Variants in NTN1 observed in about 807,000 individuals in gnomAD.
NTN1 encodes the protein netrin-1.
In NTN1, 11 loss-of-function variants were observed where a neutral mutation model predicts 54.2. The ratio of observed to expected loss-of-function variants is 0.20; its 90% CI spans 0.13 to 0.34. The LOEUF is 0.34. Among genes scored for constraint, NTN1 ranks in the 10% least tolerant of loss-of-function variants. NTN1 has a pLI of 1.00. For synonymous variants in NTN1, 371 were observed against 382.0 expected, an observed-to-expected ratio of 0.97 and a Z score of 0.33; for missense variants, 740 against 893.1, an observed-to-expected ratio of 0.83 and a Z score of 2.18.
intron 2 of NTN1, among the ~76,000 whole-genome samples, chr17:9,134,006 G>A (rs1428161588): frequency 6.9e-6 from 1 of 145,506 alleles, no homozygotes; most frequent in African/African-American, 2.6e-5. Flanking sequence ...CCGAGTTCAA[G>A]CAATTCTCCT....
chr17:9,234,267 G>A (rs551845455), intron 6 of NTN1, among the ~76,000 whole-genome samples: 14 of 152,224 alleles, frequency 9.2e-5, no homozygotes, highest in Non-Finnish European at 1.6e-4. Context: ...GTGAACCCCA[G>A]AATTGCTGAG....
intron 6 of NTN1, among the ~76,000 whole-genome samples, chr17:9,238,822 G>T (rs1235833533): frequency 1.3e-5 from 2 of 152,164 alleles, no homozygotes; most frequent in Non-Finnish European, 2.9e-5. Context: ...AATGACATCG[G>T]CACCACTTGT....
chr17:9,107,775 A>G (rs1309013118), intron 2 of NTN1, among the ~76,000 whole-genome samples: 2 of 152,244 alleles, frequency 1.3e-5, no homozygotes, highest in Admixed American at 1.3e-4. Context: ...TCGCACTGCA[A>G]TGTCGGTGTT....
At chr17:9,096,554 G>A (rs957766846) in intron 2 of NTN1, among the ~76,000 whole-genome samples, 1 of 151,802 alleles carries the variant, frequency 6.6e-6, no homozygotes, top group Non-Finnish European at 1.5e-5. Context: ...TGTATTTTTA[G>A]TAGAGACGGG....
At chr17:9,021,781 A>G (rs941026693) in intron 1 of NTN1, among the ~76,000 whole-genome samples, 196 bp downstream of exon 1, 1 of 151,692 alleles carries the variant, frequency 6.6e-6, no homozygotes, top group Non-Finnish European at 1.5e-5. Context: ...CGCGCCTGCT[A>G]GCAGCGAGCG....
chr17:9,188,991 A>G (rs1904377917), intron 5 of NTN1, among the ~76,000 whole-genome samples: 3 of 152,166 alleles, frequency 2.0e-5, no homozygotes, highest in Admixed American at 2.0e-4. Flanking sequence ...ATGACCAGTG[A>G]AGTCATTAAC....
intron 2 of NTN1, among the ~76,000 whole-genome samples, chr17:9,030,265 G>A (rs2091884825): frequency 1.3e-5 from 2 of 152,218 alleles, no homozygotes; most frequent in African/African-American, 2.4e-5. Context: ...TCTCCGAGGA[G>A]AAAGGGGTAC....
chr17:9,228,974 G>A (rs916202429), intron 6 of NTN1, among the ~76,000 whole-genome samples: 2 of 151,930 alleles, frequency 1.3e-5, no homozygotes, highest in Non-Finnish European at 2.9e-5. Context: ...TTGTGTTTAC[G>A]ACTGAGACTG....
intron 2 of NTN1, among the ~76,000 whole-genome samples, chr17:9,116,093 G>C (rs1042239225): frequency 6.6e-6 from 1 of 152,198 alleles, no homozygotes; most frequent in Non-Finnish European, 1.5e-5. Context: ...TTGGTTAACC[G>C]AACACATTGC....
intron 2 of NTN1, among the ~76,000 whole-genome samples, chr17:9,033,124 T>C (rs1283525004): frequency 6.6e-6 from 1 of 152,036 alleles, no homozygotes; most frequent in Non-Finnish European, 1.5e-5. Context: ...CAGCTAGTTT[T>C]TATATTTTTA....
chr17:9,059,633 T>G (rs921177324), intron 2 of NTN1, among the ~76,000 whole-genome samples: 1 of 152,096 alleles, frequency 6.6e-6, no homozygotes, highest in East Asian at 1.9e-4. Context: ...AGCAGATTAG[T>G]GATTGCCAGG....
chr17:9,178,685 T>A (rs1002295430), intron 3 of NTN1, among the ~76,000 whole-genome samples: 1 of 152,234 alleles, frequency 6.6e-6, no homozygotes, highest in African/African-American at 2.4e-5. Flanking sequence ...CTGGAATTGC[T>A]GCCGGACGCC....
chr17:9,228,507 T>TG (rs1310027934), intron 6 of NTN1, among the ~76,000 whole-genome samples: 1 of 152,126 alleles, frequency 6.6e-6, no homozygotes, highest in East Asian at 1.9e-4. Flanking sequence ...TCAGGTGGCC[T>TG]GGGTGCTGCC....
intron 2 of NTN1, among the ~76,000 whole-genome samples, chr17:9,133,342 G>T (rs1353940086): frequency 2.0e-5 from 3 of 152,242 alleles, no homozygotes; most frequent in African/African-American, 7.2e-5. Context: ...AGGAGGTCAG[G>T]TGCTCGCCTA....
intron 2 of NTN1, among the ~76,000 whole-genome samples, chr17:9,032,484 G>T (rs769177328): frequency 5.9e-5 from 9 of 152,192 alleles, no homozygotes; most frequent in South Asian, 2.1e-4. Flanking sequence ...CCCACGTGAA[G>T]GTCGTTCCTT....
At chr17:9,160,237 G>A (rs2092353455) in intron 2 of NTN1, among the ~76,000 whole-genome samples, 1 of 152,064 alleles carries the variant, frequency 6.6e-6, no homozygotes, top group Non-Finnish European at 1.5e-5. Context: ...CCGAGTTGTT[G>A]GGATTACAGG....
chr17:9,104,145 A>G lies in NTN1; in HGVS notation c.1019-58668A>G, dbSNP rs192166474. On this transcript the variant is annotated intron_variant, in intron 2 of 6. Transcript: ENST00000173229. Reference sequence around the variant, plus strand: ...CCGTATGATTCCACTTATAGGACGCACCTAGAGTAGTCCAGTTCATACAGA... The same window carrying G: ...CCGTATGATTCCACTTATAGGACGCGCCTAGAGTAGTCCAGTTCATACAGA... Among the ~76,000 whole-genome samples the G allele has an allele frequency of 1.3e-4, 19 of 150,662 alleles. No homozygotes were observed. In the East Asian group the frequency reaches 3.7e-3, roughly 30 times the overall value.
At chr17:9,037,705 A>G (rs552888905) in intron 2 of NTN1, among the ~76,000 whole-genome samples, 14 of 152,208 alleles carry the variant, frequency 9.2e-5, no homozygotes, top group African/African-American at 3.4e-4. Context: ...CCTTAGCCCG[A>G]TGGACAAAGC....
chr17:9,088,853 C>G (rs374058180), intron 2 of NTN1, among the ~76,000 whole-genome samples: 1 of 152,132 alleles, frequency 6.6e-6, no homozygotes, highest in Non-Finnish European at 1.5e-5. Flanking sequence ...GAGAAACAAC[C>G]TCTCTCCGGG....
Sources: allele counts gnomAD v4.1 joint callset (sites outside exome capture counted in the v4.1 genomes callset), GRCh38; gene constraint gnomAD v4.1.1; transcripts MANE v1.5; gene names NCBI Gene and HGNC (gene_info 2026-07-23, HGNC 2026-07-21).